Variants in FARS2 observed in about 807,000 individuals in gnomAD.
FARS2 encodes the protein phenylalanine--tRNA ligase, mitochondrial.
In FARS2, 40 loss-of-function variants were observed where a neutral mutation model predicts 46.4. That is an observed-to-expected ratio of 0.86 (90% CI 0.67 to 1.12). The LOEUF (loss-of-function observed/expected upper bound fraction) is 1.12, where lower values mean the gene tolerates loss of function less well. Ranked by LOEUF, FARS2 falls within the 50% of genes most tolerant of loss-of-function variation. The pLI is 0.00. For synonymous variants in FARS2, 234 were observed against 214.9 expected (o/e 1.09, Z -0.78); for missense variants, 513 against 567.9 (o/e 0.90, Z 0.98).
At chr6:5,624,773 C>CATG (rs1775947464) in intron 6 of FARS2, among the ~76,000 whole-genome samples, 1 of 152,174 alleles carries the variant, frequency 6.6e-6, no homozygotes, top group South Asian at 2.1e-4. Flanking sequence ...CAACCTGTGA[C>CATG]ATGATATAAG....
intron 1 of FARS2, among the ~76,000 whole-genome samples, chr6:5,349,378 C>T (rs1447601801): frequency 2.0e-5 from 3 of 152,198 alleles, no homozygotes; most frequent in Admixed American, 6.5e-5. Flanking sequence ...GAAAACTCAA[C>T]ATACTGAAGA....
At chr6:5,701,014 G>A (rs1323640043) in intron 6 of FARS2, among the ~76,000 whole-genome samples, 1 of 152,190 alleles carries the variant, frequency 6.6e-6, no homozygotes, top group Non-Finnish European at 1.5e-5. Flanking sequence ...TATGAGCACA[G>A]CAAGCAGCAG....
At chr6:5,537,506 C>CGGGCCTCCTCTCGAGTTGGAGATGTCCT (rs1184973803) in intron 4 of FARS2, among the ~76,000 whole-genome samples, 1 of 149,974 alleles carries the variant, frequency 6.7e-6, no homozygotes, top group African/African-American at 2.5e-5. Context: ...GGAGATGTCC[C>CGGGCCTCCTCTCGAGTTGGAGATGTCCT]GGGCCTCCTC....
chr6:5,486,394 C>G (rs1231253084), intron 4 of FARS2, among the ~76,000 whole-genome samples: 1 of 152,138 alleles, frequency 6.6e-6, no homozygotes, highest in African/African-American at 2.4e-5. Flanking sequence ...CTTGTTATGA[C>G]TTGTTTTTAT....
intron 1 of FARS2, among the ~76,000 whole-genome samples, chr6:5,341,212 TATATATA>T (rs1771567154): frequency 4.6e-4 from 3 of 6,488 alleles, no homozygotes; most frequent in Admixed American, 3.9e-3. Context: ...TATATATATA[TATATATA>T]TATATATATA....
intron 5 of FARS2, among the ~76,000 whole-genome samples, chr6:5,578,392 G>A (rs2150574533): frequency 6.6e-6 from 1 of 152,256 alleles, no homozygotes; most frequent in South Asian, 2.1e-4. Context: ...CCCAGCTTGT[G>A]TCTCGTTCCA....
At position 5,367,215 on chromosome 6, in the gene FARS2, ATTC is replaced by A; in HGVS notation, c.-21-1332_-21-1330del. Among the ~76,000 whole-genome samples, 4 of 152,298 alleles carry A rather than the reference ATTC, an allele frequency of 2.6e-5. 1 individual carries two copies. The East Asian group carries it at 7.7e-4, about 29-fold the overall frequency. On this transcript the variant is annotated intron_variant, in intron 1 of 6. Transcript: ENST00000274680. ...TTTGATAGTGACTTGGAACAATATAATTCTTTGCTAATGCAGCTTCATATCATG... is the reference window on the plus strand; with the variant it reads ...TTTGATAGTGACTTGGAACAATATAATTTGCTAATGCAGCTTCATATCATG...
intron 4 of FARS2, among the ~76,000 whole-genome samples, chr6:5,535,639 C>T (rs1770146964): frequency 6.6e-6 from 1 of 152,118 alleles, no homozygotes. Flanking sequence ...CAACTTTCAC[C>T]ATTGAGTATG....
rs561005256 is a variant in FARS2 at position 5,348,171 on chromosome 6, A to G, written c.-21-20379A>G. ...GAGAAATGTAAGATTTTAGTTTTCA[A>G]AAAAATCCATTCTCTCAATATTTTC... On this transcript the variant is annotated intron_variant, in intron 1 of 6. Transcript: ENST00000274680. Among the ~76,000 whole-genome samples, 17 of 152,318 alleles carry G rather than the reference A, an allele frequency of 1.1e-4. No individual in the cohort carries two copies. The East Asian group carries it at 3.1e-3, about 28-fold the overall frequency.
chr6:5,497,001 G>C (rs1305543080), intron 4 of FARS2, among the ~76,000 whole-genome samples: 2 of 152,092 alleles, frequency 1.3e-5, no homozygotes, highest in Non-Finnish European at 2.9e-5. Context: ...TATGTTTTGA[G>C]GGGGCATGAT....
At chr6:5,535,824 A>G (rs1770157341) in intron 4 of FARS2, among the ~76,000 whole-genome samples, 1 of 142,696 alleles carries the variant, frequency 7.0e-6, no homozygotes, top group African/African-American at 2.4e-5. Flanking sequence ...TTGTTACAGT[A>G]TATTACATTG....
intron 4 of FARS2, among the ~76,000 whole-genome samples, chr6:5,472,926 A>T (rs755275188): frequency 4.6e-5 from 7 of 152,218 alleles, no homozygotes; most frequent in African/African-American, 7.2e-5. Context: ...AGTATATGTC[A>T]CACACAAAAT....
chr6:5,439,322 C>G (rs1036938829), intron 4 of FARS2, among the ~76,000 whole-genome samples: 1 of 152,194 alleles, frequency 6.6e-6, no homozygotes, highest in African/African-American at 2.4e-5. Context: ...AGATCATACC[C>G]TCAGACTCCT....
Position 5,584,155 on chromosome 6 carries a change from C to T in FARS2, c.1066-29014C>T, listed in dbSNP as rs796419319. On this transcript the variant is annotated intron_variant, in intron 5 of 6. Coordinates refer to ENST00000274680, the MANE Select transcript of FARS2 (RefSeq NM_006567.5). ...CACACACACACACTCCTTGAGTGTT[C>T]GGATGAGGACCCTGCGGGCCCTGAG... is the stretch of plus-strand genomic sequence containing the variant. Among the ~76,000 whole-genome samples the T allele has an allele frequency of 5.1e-4, 46 of 89,588 alleles. 1 individual carries two copies. The highest frequency in any genetic ancestry group is 2.6e-3 in the African/African-American group (41 of 15,962). 58.8% of individuals were successfully genotyped at this position (89,588 alleles called of 152,430 possible).
At chr6:5,591,727 A>C (rs148068446) in intron 5 of FARS2, among the ~76,000 whole-genome samples, 1 of 152,224 alleles carries the variant, frequency 6.6e-6, no homozygotes, top group Non-Finnish European at 1.5e-5. Context: ...TCATCAACTC[A>C]CATAGCCCCT....
At chr6:5,482,265 T>C (rs1766511257) in intron 4 of FARS2, among the ~76,000 whole-genome samples, 2 of 152,200 alleles carry the variant, frequency 1.3e-5, no homozygotes, top group African/African-American at 4.8e-5. Context: ...ATATTATCTT[T>C]CAATTATTTT....
At chr6:5,547,199 A>G (rs1270465824) in intron 5 of FARS2, among the ~76,000 whole-genome samples, 24 of 151,840 alleles carry the variant, frequency 1.6e-4, no homozygotes, top group Non-Finnish European at 2.8e-4. Context: ...TGATCTGCCC[A>G]TCTTGGCCTC....
intron 2 of FARS2, among the ~76,000 whole-genome samples, chr6:5,394,545 G>A (rs1049483143): frequency 6.6e-6 from 1 of 152,084 alleles, no homozygotes; most frequent in Non-Finnish European, 1.5e-5. Context: ...ATGCTTGTGT[G>A]TGTACATATA....
At chr6:5,283,423 T>C (rs6930899) in intron 1 of FARS2, among the ~76,000 whole-genome samples, 66,778 of 146,080 alleles carry the variant, frequency 0.46, 16,103 homozygotes, top group East Asian at 0.8. Context: ...TTGGTGGGCA[T>C]CTGTAGTCCT....
Sources: allele counts gnomAD v4.1 joint callset (sites outside exome capture counted in the v4.1 genomes callset), GRCh38; gene constraint gnomAD v4.1.1; transcripts MANE v1.5; gene names NCBI Gene and HGNC (gene_info 2026-07-23, HGNC 2026-07-21).